EFCAB3: variants seen among roughly 807,000 people sequenced by gnomAD.
EFCAB3 encodes EF-hand calcium binding domain 3, also known as EF-hand calcium-binding domain-containing protein 3.
EFCAB3 carries 36 observed loss-of-function variants against 42.2 expected under a neutral mutation model. The observed-to-expected ratio is 0.85, with a 90% CI of 0.65 to 1.13. The LOEUF is 1.13. Ranked by LOEUF, EFCAB3 falls within the 50% of genes most tolerant of loss-of-function variation. The pLI is 0.00. For missense variants in EFCAB3, 418 were observed against 505.1 expected, an observed-to-expected ratio of 0.83 and a Z score of 1.65; for synonymous variants, 170 against 172.8, an observed-to-expected ratio of 0.98 and a Z score of 0.13.
chr17:62,404,032 G>A (rs1035854553), intron 6 of EFCAB3, among the ~76,000 whole-genome samples: 1 of 152,010 alleles, frequency 6.6e-6, no homozygotes, highest in African/African-American at 2.4e-5. Flanking sequence ...CTCACCTCCT[G>A]GTATTTGCCT....
At position 62,380,606 on chromosome 17, in the gene EFCAB3, AAAAG is replaced by A. The variant is rs2070187968; in HGVS notation, c.-24_-21del. ...CCAGAAGTGGTAGGTAGCACGGCTTAAAAGTAGGTAAATATCGTGATTTTGTAGG... is the reference window on the plus strand; with the variant it reads ...CCAGAAGTGGTAGGTAGCACGGCTTATAGGTAAATATCGTGATTTTGTAGG... On this transcript the variant is annotated 5_prime_UTR_variant, in exon 1 of 10. Transcript: ENST00000305286. 2 of 985,082 alleles carry A rather than the reference AAAAG, an allele frequency of 2.0e-6. No individual in the cohort carries two copies. Among genetic ancestry groups the A allele is most frequent in the African/African-American group, 3.5e-5 (2 of 57,224 alleles). The allele number at this position is 985,082 out of a possible 1,614,324, so 61.0% of individuals were successfully genotyped here.
intron 6 of EFCAB3, among the ~76,000 whole-genome samples, chr17:62,399,328 T>C (rs140087550): frequency 4.6e-5 from 7 of 152,076 alleles, no homozygotes; most frequent in Non-Finnish European, 8.8e-5. Context: ...CCATCACACC[T>C]GGCTAATTTT....
intron 6 of EFCAB3, among the ~76,000 whole-genome samples, chr17:62,398,931 A>G (rs560132028): frequency 6.6e-6 from 1 of 152,256 alleles, no homozygotes; most frequent in South Asian, 2.1e-4. Context: ...TTGAATATGT[A>G]ATAAATGCAA....
chr17:62,382,836 T>C lies in EFCAB3; in HGVS notation c.-17-127T>C, dbSNP rs995507788. 5.8e-6 allele frequency: 4 copies of C among 692,762 alleles called. No individual in the cohort carries two copies. In the East Asian group the frequency reaches 1.2e-4, roughly 21 times the overall value. 42.9% of individuals were successfully genotyped at this position (692,762 alleles called of 1,614,324 possible). A position where few individuals can be genotyped will look rare whatever the true frequency, so the allele number is the denominator to read the frequency against. ...TTTATGCATACCTCTAACTTGAGTT[T>C]GCATCTATTACCATTTCTTGAGGCC... On this transcript the variant is annotated intron_variant, in intron 1 of 9. Transcript: ENST00000305286.
intron 7 of EFCAB3, 59 bp downstream of exon 7, chr17:62,406,732 C>A: frequency 1.3e-6 from 2 of 1,568,942 alleles, no homozygotes; most frequent in South Asian, 1.2e-5. Context: ...TATGACTGGT[C>A]AGAAAGAAGT....
intron 1 of EFCAB3, among the ~76,000 whole-genome samples, chr17:62,382,306 C>A (rs1476418944): frequency 6.6e-6 from 1 of 152,126 alleles, no homozygotes; most frequent in Non-Finnish European, 1.5e-5. Context: ...TGTCACATGG[C>A]ACCATTTTTA....
chr17:62,371,816 T>G (rs985466011), intron 1 of EFCAB3, among the ~76,000 whole-genome samples: 3 of 152,216 alleles, frequency 2.0e-5, no homozygotes, highest in Non-Finnish European at 4.4e-5. Context: ...TCACTGGCCC[T>G]TGTGCTATAT....
chr17:62,398,704 C>CAT (rs771623073), intron 6 of EFCAB3, among the ~76,000 whole-genome samples: 1 of 148,760 alleles, frequency 6.7e-6, no homozygotes, highest in Admixed American at 6.7e-5. Context: ...TATATATGTA[C>CAT]ACACACACAC....
At chr17:62,391,712 C>T in intron 3 of EFCAB3, 110 bp from the exon 4 acceptor site, 3 of 1,203,206 alleles carry the variant, frequency 2.5e-6, no homozygotes, top group Admixed American at 2.5e-5. Flanking sequence ...TTTCGCAATC[C>T]TTTTTTTAGA....
chr17:62,413,984 C>T, intron 9 of EFCAB3, 130 bp downstream of exon 9: 4 of 1,035,434 alleles, frequency 3.9e-6, no homozygotes, highest in Non-Finnish European at 5.5e-6. Context: ...GGTTGTTTCT[C>T]ATGTTTACCC....
intron 6 of EFCAB3, among the ~76,000 whole-genome samples, chr17:62,403,103 G>A (rs1031291736): frequency 2.0e-5 from 3 of 152,146 alleles, no homozygotes; most frequent in Non-Finnish European, 2.9e-5. Context: ...TTCTCTGATG[G>A]TAGTTTGTAT....
upstream of EFCAB3, among the ~76,000 whole-genome samples, chr17:62,376,948 A>G (rs2070155334): frequency 6.6e-6 from 1 of 152,200 alleles, no homozygotes; most frequent in East Asian, 1.9e-4. Context: ...TCTAAGTCAC[A>G]TTCTCAACCA....
In EFCAB3 at chr17:62,416,171, G is replaced by T. The variant is rs2070546591; in HGVS notation, c.1159G>T (p.Glu387Ter). Residue 387 changes from glutamate (E) to a stop codon, truncating the protein, a stop_gained, in exon 10 of 10, where the codon GAA (glutamate) becomes TAA (stop). Coordinates refer to ENST00000305286, the MANE Select transcript of EFCAB3 (RefSeq NM_173503.4). LOFTEE classifies it low-confidence loss of function (END_TRUNC). ...TACATGGTCCTGGAATGTTTGCCAA[G>T]AATTACTTTCTCCTAAGGACTTAAG... ...TYTWSWNVCQ[E>*]LLSPKDLRLY... is the part of the protein sequence containing the mutation. 2.5e-6 allele frequency: 4 copies of T among 1,613,934 alleles called. No individual in the cohort carries two copies. Among genetic ancestry groups the T allele is most frequent in the Non-Finnish European group, 3.4e-6 (4 of 1,179,860 alleles).
intron 9 of EFCAB3, among the ~76,000 whole-genome samples, chr17:62,415,434 A>G (rs530314994): frequency 6.6e-6 from 1 of 152,308 alleles, no homozygotes; most frequent in Admixed American, 6.5e-5. Flanking sequence ...TTACTGACTT[A>G]TAAGATTAAG....
intron 6 of EFCAB3, among the ~76,000 whole-genome samples, chr17:62,404,423 A>T (rs938965282): frequency 3.9e-5 from 6 of 152,176 alleles, no homozygotes; most frequent in Admixed American, 3.3e-4. Context: ...GCTTGAGTCC[A>T]GGAGTTCAAG....
intron 4 of EFCAB3, among the ~76,000 whole-genome samples, chr17:62,392,516 T>C (rs1466773243): frequency 6.6e-6 from 1 of 152,162 alleles, no homozygotes; most frequent in Admixed American, 6.6e-5. Flanking sequence ...CCAAGAGAAT[T>C]CAAGCCTTTT....
intron 8 of EFCAB3, among the ~76,000 whole-genome samples, chr17:62,408,215 G>C (rs759005527): frequency 2.0e-5 from 3 of 152,144 alleles, no homozygotes; most frequent in Non-Finnish European, 4.4e-5. Flanking sequence ...ATCTAAAATA[G>C]AATTTGGCCC....
intron 2 of EFCAB3, among the ~76,000 whole-genome samples, chr17:62,375,144 A>C (rs2070140376): frequency 6.6e-6 from 1 of 152,194 alleles, no homozygotes; most frequent in Non-Finnish European, 1.5e-5. Context: ...GGATGTAAGA[A>C]TAATTTAAGG....
In EFCAB3 at chr17:62,407,352, T is replaced by C. The variant is rs188653122; in HGVS notation, c.867+140T>C. ...GATGCCATAACCATGTTCCTAAATT[T>C]AAGTCCAGGTATTAACATTTCATTT... On this transcript the variant is annotated intron_variant, in intron 8 of 9. Coordinates refer to ENST00000305286, the MANE Select transcript of EFCAB3 (RefSeq NM_173503.4). The C allele has an allele frequency of 6.5e-3, 4,456 of 686,606 alleles. 31 individuals carry two copies. Among genetic ancestry groups the C allele is most frequent in the Middle Eastern group, 0.03 (64 of 2,168 alleles). 42.5% of individuals were successfully genotyped at this position (686,606 alleles called of 1,614,324 possible).
Sources: gnomAD v4.1 joint callset for allele counts (sites outside exome capture counted in the v4.1 genomes callset) on GRCh38, gnomAD v4.1.1 for gene constraint, MANE v1.5 for transcripts, NCBI Gene and HGNC (gene_info 2026-07-23, HGNC 2026-07-21) for gene names.